The following TTC39C variants were observed in gnomAD, a reference collection of about 807,000 sequenced individuals.
TTC39C encodes the protein tetratricopeptide repeat domain 39C, also known as tetratricopeptide repeat protein 39C.
TTC39C carries 33 observed loss-of-function variants against 76.3 expected under a neutral mutation model. The observed-to-expected ratio is 0.43, with a 90% CI of 0.33 to 0.58. The LOEUF (loss-of-function observed/expected upper bound fraction) is 0.58, where lower values mean the gene tolerates loss of function less well. Ranked by LOEUF, TTC39C falls within the 20% of genes least tolerant of loss-of-function variation. The probability of loss-of-function intolerance (pLI) is 0.04; values close to 1 mark genes in which losing one functional copy is unlikely to be tolerated. For missense variants in TTC39C, 595 were observed against 701.4 expected (o/e 0.85, Z 1.71); for synonymous variants, 254 against 260.6 (o/e 0.97, Z 0.24).
chr18:24,039,815 C>T (rs769423987), intron 1 of TTC39C, among the ~76,000 whole-genome samples: 51 of 152,268 alleles, frequency 3.3e-4, no homozygotes, highest in Admixed American at 8.5e-4. Flanking sequence ...GTAGATTCAG[C>T]AGGACTCCTG....
In TTC39C at chr18:24,023,950, GTA is replaced by G. The variant is rs1157099825; in HGVS notation, c.167+8941_167+8942del. Reference sequence around the variant, plus strand: ...TAAAATTACATATATATATATGCATGTATATATATATATATATATATATATAT... The same window carrying G: ...TAAAATTACATATATATATATGCATGTATATATATATATATATATATATAT... On this transcript the variant is annotated intron_variant, in intron 1 of 13. Coordinates refer to ENST00000317571, the MANE Select transcript of TTC39C (RefSeq NM_001135993.2). 6.9e-3 allele frequency among the ~76,000 whole-genome samples: 117 copies of G among 16,902 alleles called. 4 individuals are homozygous for G. Among genetic ancestry groups the G allele is most frequent in the African/African-American group, 0.011 (111 of 9,668 alleles). The allele number at this position is 16,902 out of a possible 152,430, so 11.1% of individuals were successfully genotyped here. A position where few individuals can be genotyped will look rare whatever the true frequency, so the allele number is the denominator to read the frequency against.
At chr18:24,059,183 T>G (rs1388353988) in intron 1 of TTC39C, among the ~76,000 whole-genome samples, 1 of 152,224 alleles carries the variant, frequency 6.6e-6, no homozygotes, top group East Asian at 1.9e-4. Context: ...CTATTCTAAA[T>G]TATTTACTTT....
intron 6 of TTC39C, among the ~76,000 whole-genome samples, chr18:24,101,557 C>CA (rs11298002): frequency 1.9e-3 from 276 of 146,132 alleles, no homozygotes; most frequent in African/African-American, 5.6e-3. Flanking sequence ...GACTCCGTCT[C>CA]AAAAAAAAAA....
At chr18:24,116,822 T>TG (rs924744849) in intron 7 of TTC39C, among the ~76,000 whole-genome samples, 4 of 137,632 alleles carry the variant, frequency 2.9e-5, no homozygotes, top group African/African-American at 1.2e-4. Context: ...TACCTTAGTT[T>TG]TTTTTTTTTT....
chr18:24,036,834 T>C (rs1250978277), intron 1 of TTC39C, among the ~76,000 whole-genome samples: 1 of 152,142 alleles, frequency 6.6e-6, no homozygotes, highest in Non-Finnish European at 1.5e-5. Context: ...GGTCTTGCCA[T>C]GTTACCCAGG....
intron 5 of TTC39C, among the ~76,000 whole-genome samples, chr18:24,082,670 T>C (rs1421806719): frequency 6.6e-6 from 1 of 152,236 alleles, no homozygotes; most frequent in African/African-American, 2.4e-5. Flanking sequence ...TAAATGCTCC[T>C]GTTACTTTAT....
intron 4 of TTC39C, among the ~76,000 whole-genome samples, chr18:24,074,682 A>G (rs2084281181): frequency 6.6e-6 from 1 of 152,144 alleles, no homozygotes; most frequent in Admixed American, 6.5e-5. Context: ...GAGAAATAGG[A>G]ACACTTTTAC....
intron 10 of TTC39C, among the ~76,000 whole-genome samples, chr18:24,127,503 C>T (rs1290863805): frequency 6.6e-6 from 1 of 152,050 alleles, no homozygotes. Context: ...TCCTTTGTGT[C>T]GTTTTTTGTT....
At position 24,134,831 on chromosome 18, in the gene TTC39C, T is replaced by G. The variant is rs1478085210; in HGVS notation, c.*2257T>G. The G allele has an allele frequency of 1.3e-5, 2 of 152,194 alleles. No homozygotes were observed. The highest frequency in any genetic ancestry group is 4.8e-5 in the African/African-American group (2 of 41,448). 9.4% of individuals were successfully genotyped at this position (152,194 alleles called of 1,614,324 possible). ...GCTTTTGAATCTTTTTCAAAACATT[T>G]ATTTCTGCCTGCTTAAAAAAAATAC... On this transcript the variant is annotated 3_prime_UTR_variant, in exon 14 of 14. Transcript: ENST00000317571.
At chr18:24,061,388 G>C (rs570923587) in intron 1 of TTC39C, among the ~76,000 whole-genome samples, 1 of 151,786 alleles carries the variant, frequency 6.6e-6, no homozygotes, top group South Asian at 2.1e-4. Context: ...GTCTTTGTTG[G>C]TTCCAAATAT....
intron 6 of TTC39C, among the ~76,000 whole-genome samples, chr18:24,085,265 T>G (rs890721748): frequency 6.6e-6 from 1 of 152,190 alleles, no homozygotes; most frequent in Admixed American, 6.5e-5. Context: ...GTGAGGCCCC[T>G]TAGCTTTGGA....
At chr18:24,028,961 G>T (rs1229980649) in intron 1 of TTC39C, among the ~76,000 whole-genome samples, 1 of 151,974 alleles carries the variant, frequency 6.6e-6, no homozygotes, top group Non-Finnish European at 1.5e-5. Flanking sequence ...GACCTCAGGT[G>T]ATCCACCCAT....
chr18:24,021,393 A>G (rs2083515920), intron 1 of TTC39C, among the ~76,000 whole-genome samples: 1 of 152,142 alleles, frequency 6.6e-6, no homozygotes, highest in Non-Finnish European at 1.5e-5. Flanking sequence ...ACCTGGGGAA[A>G]ATGCCTTCCA....
At chr18:24,114,918 G>T in intron 7 of TTC39C, 1 of 277,362 alleles carries the variant, frequency 3.6e-6, no homozygotes, top group Non-Finnish European at 6.9e-6. Flanking sequence ...TTATTGGACT[G>T]CATTAGAATT....
At chr18:24,032,922 T>C (rs2083688392) in intron 1 of TTC39C, among the ~76,000 whole-genome samples, 1 of 152,250 alleles carries the variant, frequency 6.6e-6, no homozygotes, top group Admixed American at 6.5e-5. Context: ...GGCTTTCGTT[T>C]TAACCAGCTT....
At chr18:24,079,240 A>G (rs767464282) in intron 4 of TTC39C, among the ~76,000 whole-genome samples, 10 of 152,184 alleles carry the variant, frequency 6.6e-5, no homozygotes, top group Non-Finnish European at 1.5e-4. Flanking sequence ...TCCTTTCTTC[A>G]AAAATGAGAT....
chr18:24,128,887 T>C lies in TTC39C; in HGVS notation c.1422T>C (p.Ala474=). The part of the protein sequence containing the change: ...SFPNLQRMSQ[A]CHEVDDSSVV... The stretch of plus-strand genomic sequence containing the variant: ...CTGTTCACTCCCCTTCTTTTTAAGC[T>C]TGCCATGAAGTGGATGACTCATCTG... Residue 474 remains alanine, a splice_region_variant and synonymous_variant, in exon 11 of 14, where the codon GCT becomes GCC. Coordinates refer to ENST00000317571, the MANE Select transcript of TTC39C (RefSeq NM_001135993.2). 2 of 1,612,700 alleles carry C rather than the reference T, an allele frequency of 1.2e-6. No individual in the cohort carries two copies. Among genetic ancestry groups the C allele is most frequent in the Non-Finnish European group, 1.7e-6 (2 of 1,179,462 alleles).
intron 6 of TTC39C, among the ~76,000 whole-genome samples, chr18:24,096,621 A>G (rs909541270): frequency 2.6e-5 from 4 of 152,206 alleles, no homozygotes; most frequent in Admixed American, 1.3e-4. Flanking sequence ...TCTGTAAATC[A>G]GGGATGTGCG....
intron 7 of TTC39C, among the ~76,000 whole-genome samples, chr18:24,116,785 T>C (rs1367297669): frequency 1.3e-5 from 2 of 150,928 alleles, no homozygotes; most frequent in African/African-American, 2.4e-5. Flanking sequence ...CTTAGTTGTA[T>C]GGCTTCAGCA....
Sources: allele counts gnomAD v4.1 joint callset (sites outside exome capture counted in the v4.1 genomes callset), GRCh38; gene constraint gnomAD v4.1.1; transcripts MANE v1.5; gene names NCBI Gene and HGNC (gene_info 2026-07-23, HGNC 2026-07-21).